CRYL1: variants seen among roughly 807,000 people sequenced by gnomAD.
CRYL1 encodes the protein crystallin lambda 1, also known as lambda-crystallin homolog.
Under a neutral mutation model 36.6 loss-of-function variants are expected in CRYL1, and 29 were observed. That is an observed-to-expected ratio of 0.79 (90% confidence interval 0.59 to 1.08). The LOEUF (loss-of-function observed/expected upper bound fraction) is 1.08. Ranked by LOEUF, CRYL1 falls within the 50% of genes least tolerant of loss-of-function variation. The pLI, the probability that CRYL1 is intolerant of heterozygous loss-of-function variation, is 0.00. For missense variants in CRYL1, 411 were observed against 407.9 expected (o/e 1.01, Z -0.06); for synonymous variants, 152 against 151.5 (o/e 1.00, Z -0.02).
chr13:20,490,367 G>A (rs1267689819), intron 2 of CRYL1, among the ~76,000 whole-genome samples: 1 of 152,144 alleles, frequency 6.6e-6, no homozygotes, highest in East Asian at 1.9e-4. Flanking sequence ...ACTCCAGCCT[G>A]AGCGACAGAG....
At chr13:20,464,169 A>G (rs1312564092) in intron 3 of CRYL1, among the ~76,000 whole-genome samples, 20 of 152,238 alleles carry the variant, frequency 1.3e-4, no homozygotes, top group Admixed American at 1.3e-3. Flanking sequence ...TATGTTCGTT[A>G]TACAAGTTAC....
intron 3 of CRYL1, among the ~76,000 whole-genome samples, chr13:20,474,922 A>C (rs1399676452): frequency 6.6e-6 from 1 of 152,152 alleles, no homozygotes; most frequent in Admixed American, 6.5e-5. Flanking sequence ...TCTCAGGGAC[A>C]AGGCTCCCCT....
intron 3 of CRYL1, among the ~76,000 whole-genome samples, chr13:20,460,260 T>C (rs946699843): frequency 1.3e-5 from 2 of 152,188 alleles, no homozygotes; most frequent in African/African-American, 4.8e-5. Context: ...TGTATATGTG[T>C]GTGTGTATAT....
intron 3 of CRYL1, among the ~76,000 whole-genome samples, chr13:20,478,084 CAGAAAGTAAAA>C (rs2033202281): frequency 6.6e-6 from 1 of 151,066 alleles, no homozygotes; most frequent in African/African-American, 2.4e-5. Context: ...TTGCTAACAG[CAGAAAGTAAAA>C]TACTCTAGAA....
chr13:20,460,255 ATG>A (rs1229337643), intron 3 of CRYL1, among the ~76,000 whole-genome samples: 3 of 152,234 alleles, frequency 2.0e-5, no homozygotes, highest in African/African-American at 7.2e-5. Flanking sequence ...ATATATGTAT[ATG>A]TGTGTGTGTA....
chr13:20,444,685 T>C (rs1163856067), intron 3 of CRYL1, among the ~76,000 whole-genome samples: 2 of 152,278 alleles, frequency 1.3e-5, no homozygotes, highest in Non-Finnish European at 2.9e-5. Flanking sequence ...ACTGCATTTC[T>C]AGTATTTCTC....
chr13:20,485,567 G>A (rs1479369543), intron 3 of CRYL1, among the ~76,000 whole-genome samples: 4 of 152,162 alleles, frequency 2.6e-5, no homozygotes, highest in South Asian at 4.1e-4. Context: ...TACTCAGGAG[G>A]CTGAGGCATG....
chr13:20,460,807 G>C (rs776924566), intron 3 of CRYL1, among the ~76,000 whole-genome samples: 1 of 152,184 alleles, frequency 6.6e-6, no homozygotes, highest in Non-Finnish European at 1.5e-5. Flanking sequence ...TTACAGACGT[G>C]AGCCACTGCG....
chr13:20,467,736 G>A (rs578192349), intron 3 of CRYL1, among the ~76,000 whole-genome samples: 14 of 152,158 alleles, frequency 9.2e-5, no homozygotes, highest in Non-Finnish European at 1.6e-4. Flanking sequence ...CAGTGGAATC[G>A]CTTGAACCCG....
rs546014252 is a variant in CRYL1 at position 20,417,367 on chromosome 13, G to A, written c.634-3980C>T. ...AAACAAGTGCTTGTGTTGAAACAGGGAACTGACAAGCGATTCCTTATAATA... is the reference window on the plus strand; with the variant it reads ...AAACAAGTGCTTGTGTTGAAACAGGAAACTGACAAGCGATTCCTTATAATA... On this transcript the variant is annotated intron_variant, in intron 5 of 7. Transcript: ENST00000298248. 6.6e-5 allele frequency among the ~76,000 whole-genome samples: 10 copies of A among 152,264 alleles called. No homozygotes were observed. The South Asian group carries it at 1.9e-3, about 28-fold the overall frequency.
chr13:20,471,787 AT>A (rs1158909751), intron 3 of CRYL1, among the ~76,000 whole-genome samples: 2 of 150,618 alleles, frequency 1.3e-5, no homozygotes, highest in African/African-American at 2.5e-5. Context: ...CAGGTCCCTG[AT>A]TTTTTTCTTT....
chr13:20,517,173 C>A (rs2137517168), intron 1 of CRYL1, among the ~76,000 whole-genome samples: 1 of 152,298 alleles, frequency 6.6e-6, no homozygotes, highest in Middle Eastern at 3.4e-3. Flanking sequence ...CCTCTGGCAC[C>A]CACCTTATAT....
At position 20,439,767 on chromosome 13, in the gene CRYL1, C is replaced by A. The variant is rs199685830; in HGVS notation, c.277-13G>T. The A allele has an allele frequency of 1.2e-6, 2 of 1,612,996 alleles. No individual in the cohort carries two copies. Among genetic ancestry groups the A allele is most frequent in the Non-Finnish European group, 1.7e-6 (2 of 1,179,130 alleles). ...CTGGAACACATTCCTGAAAAGGACA[C>A]GTTTAAATGACTATTCATGACCACT... On this transcript the variant is annotated splice_polypyrimidine_tract_variant and intron_variant, in intron 3 of 7. Transcript: ENST00000298248.
At chr13:20,469,326 C>T (rs979800299) in intron 3 of CRYL1, among the ~76,000 whole-genome samples, 7 of 152,212 alleles carry the variant, frequency 4.6e-5, no homozygotes, top group African/African-American at 1.7e-4. Context: ...TTACTTTCAT[C>T]TTTCTTCTGT....
At chr13:20,451,823 T>TGG (rs2032577017) in intron 3 of CRYL1, among the ~76,000 whole-genome samples, 1 of 152,170 alleles carries the variant, frequency 6.6e-6, no homozygotes, top group Admixed American at 6.5e-5. Context: ...GAAAGACAGA[T>TGG]GCACTTGCAC....
At chr13:20,476,168 C>T (rs1228718040) in intron 3 of CRYL1, among the ~76,000 whole-genome samples, 1 of 152,180 alleles carries the variant, frequency 6.6e-6, no homozygotes, top group African/African-American at 2.4e-5. Flanking sequence ...CAATGCGATA[C>T]TTGCTGAACG....
At chr13:20,520,339 C>T (rs1481988034) in intron 1 of CRYL1, among the ~76,000 whole-genome samples, 3 of 149,822 alleles carry the variant, frequency 2.0e-5, no homozygotes, top group Non-Finnish European at 4.4e-5. Context: ...GCTGCGGGGT[C>T]TGAACCCTGG....
At chr13:20,513,255 G>A (rs2033945640) in intron 1 of CRYL1, among the ~76,000 whole-genome samples, 1 of 152,130 alleles carries the variant, frequency 6.6e-6, no homozygotes, top group South Asian at 2.1e-4. Flanking sequence ...ACAGTCAGGA[G>A]GTAGCAGGGT....
intron 6 of CRYL1, among the ~76,000 whole-genome samples, chr13:20,409,542 T>G (rs1294075456): frequency 2.0e-5 from 3 of 150,690 alleles, no homozygotes; most frequent in African/African-American, 7.3e-5. Flanking sequence ...GGGATCTAAT[T>G]AAACTCAAGA....
Sources: gnomAD v4.1 joint callset for allele counts (sites outside exome capture counted in the v4.1 genomes callset) on GRCh38, gnomAD v4.1.1 for gene constraint, MANE v1.5 for transcripts, NCBI Gene and HGNC (gene_info 2026-07-23, HGNC 2026-07-21) for gene names.